The following DENND1A variants were observed in gnomAD, a reference collection of about 807,000 sequenced individuals.
The protein encoded by DENND1A is DENN domain containing 1A, also known as DENN domain-containing protein 1A.
DENND1A carries 51 observed loss-of-function variants against 113.7 expected under a neutral mutation model. The observed-to-expected ratio is 0.45, with a 90% confidence interval of 0.36 to 0.57. The LOEUF is 0.57. Among genes scored for constraint, DENND1A ranks in the 20% least tolerant of loss-of-function variants. The pLI, the probability that DENND1A is intolerant of heterozygous loss-of-function variation, is 0.00. For missense variants in DENND1A, 1,258 were observed against 1,395.9 expected (o/e 0.90, Z 1.57); for synonymous variants, 565 against 570.8 (o/e 0.99, Z 0.14).
intron 3 of DENND1A, among the ~76,000 whole-genome samples, chr9:123,774,505 G>C (rs575266420): frequency 5.3e-5 from 8 of 152,062 alleles, no homozygotes; most frequent in South Asian, 2.1e-4. Context: ...TTCACTATAA[G>C]TGTCAAATTA....
chr9:123,659,743 T>C (rs575627204), intron 8 of DENND1A, among the ~76,000 whole-genome samples: 5 of 152,352 alleles, frequency 3.3e-5, no homozygotes, highest in Admixed American at 6.5e-5. Flanking sequence ...TCTGGTTGTC[T>C]CTAAAATTCA....
Position 123,382,534 on chromosome 9 carries a change from T to C in DENND1A, c.2111A>G (p.Gln704Arg). The change falls in exon 24 of 24, where the codon CAG becomes CGG. Residue 704 changes from glutamine to arginine, a missense_variant. This residue lies in a region of DENND1A where 1,159 missense variants were observed against 1,231.7 expected (regional missense o/e 0.94). Coordinates refer to ENST00000394215, the MANE Select transcript of DENND1A (RefSeq NM_001352964.2). ...HPYNKLWSLG[Q>R]DDMAIPSKPP... Reference sequence around the variant, plus strand: ...CTTGCTGGGGATGGCCATGTCGTCCTGGCCCAGGCTCCAGAGCTTGTTGTA... The same window carrying C: ...CTTGCTGGGGATGGCCATGTCGTCCCGGCCCAGGCTCCAGAGCTTGTTGTA... The C allele has an allele frequency of 6.2e-7, 1 of 1,614,126 alleles. No homozygotes were observed.
At chr9:123,809,610 A>G (rs1836193758) in intron 2 of DENND1A, among the ~76,000 whole-genome samples, 1 of 152,232 alleles carries the variant, frequency 6.6e-6, no homozygotes. Context: ...TCACAAAAGA[A>G]AGAAAACAAT....
intron 2 of DENND1A, among the ~76,000 whole-genome samples, chr9:123,820,612 G>A (rs1267588815): frequency 6.6e-6 from 1 of 152,166 alleles, no homozygotes; most frequent in African/African-American, 2.4e-5. Flanking sequence ...AAGCATGAGA[G>A]ATAATAAATC....
At chr9:123,437,927 T>C (rs575712003) in intron 19 of DENND1A, 5 of 152,312 alleles carry the variant, frequency 3.3e-5, no homozygotes, top group Admixed American at 6.5e-5. Flanking sequence ...TTTTATATGT[T>C]AGAAAAAACT....
intron 2 of DENND1A, among the ~76,000 whole-genome samples, chr9:123,825,974 C>T (rs1211020506): frequency 6.6e-6 from 1 of 152,182 alleles, no homozygotes; most frequent in Non-Finnish European, 1.5e-5. Context: ...AAGGATGTCC[C>T]AGATGAGGGC....
At chr9:123,411,953 TC>T in intron 19 of DENND1A, 124 bp from the exon 20 acceptor site, 2 of 443,742 alleles carry the variant, frequency 4.5e-6, no homozygotes, top group Non-Finnish European at 5.9e-6. Flanking sequence ...CCTCGACGCC[TC>T]CTGCCTCGCC....
At chr9:123,549,403 G>C (rs1172299896) in intron 13 of DENND1A, among the ~76,000 whole-genome samples, 1 of 152,064 alleles carries the variant, frequency 6.6e-6, no homozygotes, top group Non-Finnish European at 1.5e-5. Context: ...TCTGTGTGGA[G>C]GGCAGGGAGT....
chr9:123,543,029 G>A (rs1274116435), intron 13 of DENND1A, among the ~76,000 whole-genome samples: 2 of 152,212 alleles, frequency 1.3e-5, no homozygotes, highest in African/African-American at 2.4e-5. Context: ...TGGGAAAGCC[G>A]AATGGCGGCT....
intron 13 of DENND1A, among the ~76,000 whole-genome samples, chr9:123,528,036 A>T (rs2054990876): frequency 6.6e-6 from 1 of 152,222 alleles, no homozygotes; most frequent in African/African-American, 2.4e-5. Flanking sequence ...GACATGTTTT[A>T]AAAATTAAGT....
intron 2 of DENND1A, among the ~76,000 whole-genome samples, chr9:123,826,017 C>CA (rs1334722739): frequency 6.6e-6 from 1 of 152,168 alleles, no homozygotes; most frequent in East Asian, 1.9e-4. Context: ...GAGTGAGAGT[C>CA]AAAGCTGACC....
chr9:123,864,522 T>C (rs1407000660), intron 2 of DENND1A, among the ~76,000 whole-genome samples: 1 of 152,100 alleles, frequency 6.6e-6, no homozygotes, highest in Non-Finnish European at 1.5e-5. Context: ...TGATGGACAC[T>C]TGGTAAATGG....
intron 22 of DENND1A, among the ~76,000 whole-genome samples, chr9:123,386,185 G>T (rs2042549870): frequency 6.6e-6 from 1 of 152,002 alleles, no homozygotes; most frequent in Non-Finnish European, 1.5e-5. Flanking sequence ...TTATGCTAAA[G>T]GTTCTCTTTT....
At chr9:123,842,237 T>C (rs982709187) in intron 2 of DENND1A, among the ~76,000 whole-genome samples, 7 of 152,028 alleles carry the variant, frequency 4.6e-5, no homozygotes, top group African/African-American at 7.3e-5. Context: ...ATGAAGAAAA[T>C]TATCTTGAAG....
intron 11 of DENND1A, 105 bp from the exon 12 acceptor site, chr9:123,583,375 T>A: frequency 1.3e-6 from 1 of 791,230 alleles, no homozygotes; most frequent in South Asian, 1.8e-5. Context: ...AAGTGACATT[T>A]GACAAAGTCT....
chr9:123,875,140 T>C (rs1847258683), intron 2 of DENND1A, among the ~76,000 whole-genome samples: 1 of 152,202 alleles, frequency 6.6e-6, no homozygotes, highest in Non-Finnish European at 1.5e-5. Context: ...TACAGAATAA[T>C]TCCATTTCTA....
intron 13 of DENND1A, among the ~76,000 whole-genome samples, chr9:123,535,236 C>T (rs2055653399): frequency 6.6e-6 from 1 of 152,326 alleles, no homozygotes; most frequent in Non-Finnish European, 1.5e-5. Flanking sequence ...GATCATTCTA[C>T]CCTTCTGCTT....
intron 11 of DENND1A, among the ~76,000 whole-genome samples, chr9:123,588,049 GAGC>G (rs954814175): frequency 1.3e-5 from 2 of 152,060 alleles, no homozygotes; most frequent in African/African-American, 4.8e-5. Flanking sequence ...AGGCCGAAGT[GAGC>G]AGATCACCAG....
chr9:123,542,053 TAAG>T (rs1282894383), intron 13 of DENND1A, among the ~76,000 whole-genome samples: 1 of 152,178 alleles, frequency 6.6e-6, no homozygotes. Flanking sequence ...GAGAATACAT[TAAG>T]AAATTAGACA....
Sources: gnomAD v4.1 joint callset for allele counts (sites outside exome capture counted in the v4.1 genomes callset) on GRCh38, gnomAD v4.1.1 for gene constraint, gnomAD v4.1.1 regional missense constraint, MANE v1.5 for transcripts, NCBI Gene and HGNC (gene_info 2026-07-23, HGNC 2026-07-21) for gene names.